ZNF385B: variants seen among roughly 807,000 people sequenced by gnomAD.
ZNF385B encodes the protein zinc finger protein 533.
ZNF385B carries 23 observed loss-of-function variants against 39.2 expected under a neutral mutation model. That is an observed-to-expected ratio of 0.59 (90% CI 0.42 to 0.83). The LOEUF is 0.83. ZNF385B is among the 40% of genes least tolerant of loss of function. ZNF385B has a pLI of 0.00. For synonymous variants in ZNF385B, 205 were observed against 222.6 expected, an observed-to-expected ratio of 0.92 and a Z score of 0.70; for missense variants, 552 against 598.9, an observed-to-expected ratio of 0.92 and a Z score of 0.82.
At chr2:179,585,063 G>A (rs2106049165) in intron 3 of ZNF385B, among the ~76,000 whole-genome samples, 1 of 152,310 alleles carries the variant, frequency 6.6e-6, no homozygotes, top group African/African-American at 2.4e-5. Context: ...ACCTTTGCCA[G>A]AAGTACCTTA....
chr2:179,584,988 A>C (rs917002550), intron 3 of ZNF385B, among the ~76,000 whole-genome samples: 2 of 152,164 alleles, frequency 1.3e-5, no homozygotes. Flanking sequence ...AACATAGCAT[A>C]AAGGTCAAGT....
At chr2:179,538,899 T>C (rs964899779) in intron 4 of ZNF385B, among the ~76,000 whole-genome samples, 9 of 152,206 alleles carry the variant, frequency 5.9e-5, no homozygotes, top group Admixed American at 2.0e-4. Context: ...CACCTGCCAA[T>C]TGGCAGAGAA....
rs775714592 is a variant in ZNF385B, at chr2:179,444,931, A to G, written c.1187T>C (p.Leu396Pro). 4 of 1,614,204 alleles carry G rather than the reference A, an allele frequency of 2.5e-6. No homozygotes were observed. The South Asian group carries it at 4.4e-5, about 18-fold the overall frequency. The stretch of plus-strand genomic sequence containing the variant: ...GTTGTAAGGGCTGTATTTTGGCTTC[A>G]GTGGTTTCCCTGCAACTCGATCTTT... ...RHKDRVAGKPLKPKYSPYNKL... is the reference protein window; with the variant it reads ...RHKDRVAGKPPKPKYSPYNKL... Residue 396 changes from leucine to proline, a missense_variant, in exon 9 of 10, where the codon CTG becomes CCG. Coordinates refer to ENST00000410066, the MANE Select transcript of ZNF385B (RefSeq NM_152520.6).
chr2:179,444,651 G>A (rs150493225), intron 9 of ZNF385B, among the ~76,000 whole-genome samples: 24 of 152,228 alleles, frequency 1.6e-4, no homozygotes, highest in African/African-American at 4.8e-4. Context: ...AAAACAACTT[G>A]GTAAAGAGTA....
At chr2:179,774,089 G>A (rs570165135) in intron 1 of ZNF385B, among the ~76,000 whole-genome samples, 38 of 151,546 alleles carry the variant, frequency 2.5e-4, no homozygotes, top group African/African-American at 8.9e-4. Context: ...GTGCGGGGGT[G>A]TATAGGTGTG....
intron 3 of ZNF385B, among the ~76,000 whole-genome samples, chr2:179,710,282 C>T (rs1236640616): frequency 6.6e-6 from 1 of 152,042 alleles, no homozygotes; most frequent in Non-Finnish European, 1.5e-5. Context: ...ATACCTTTGC[C>T]CCAACCTGGG....
rs1380104016 is a variant in ZNF385B at position 179,861,303 on chromosome 2, C to G, written c.-357G>C. ...AGGTGGCGCGGGCGACAGCTCGGCC[C>G]GGCGCGGCCCCTGAACTGTCCAACT... is the stretch of plus-strand genomic sequence containing the variant. On this transcript the variant is annotated 5_prime_UTR_variant, in exon 1 of 10. Transcript: ENST00000410066. 1.3e-5 allele frequency: 2 copies of G among 156,274 alleles called. No homozygotes were observed. Among genetic ancestry groups the G allele is most frequent in the Non-Finnish European group, 2.8e-5 (2 of 71,394 alleles). The allele number at this position is 156,274 out of a possible 1,614,324, so 9.7% of individuals were successfully genotyped here.
intron 1 of ZNF385B, among the ~76,000 whole-genome samples, chr2:179,837,104 A>G (rs1708296014): frequency 6.6e-6 from 1 of 152,210 alleles, no homozygotes; most frequent in Non-Finnish European, 1.5e-5. Context: ...TATAATTTTT[A>G]ATTCCTAGGC....
intron 1 of ZNF385B, among the ~76,000 whole-genome samples, chr2:179,821,480 C>A (rs890077945): frequency 1.3e-5 from 2 of 152,098 alleles, no homozygotes; most frequent in East Asian, 1.9e-4. Context: ...ACATTTTATA[C>A]CACACCCCTT....
At chr2:179,705,554 T>C (rs1484496509) in intron 3 of ZNF385B, among the ~76,000 whole-genome samples, 1 of 152,212 alleles carries the variant, frequency 6.6e-6, no homozygotes, top group African/African-American at 2.4e-5. Context: ...CACCTGTCTA[T>C]TCTCTAGATC....
intron 2 of ZNF385B, 104 bp from the exon 3 acceptor site, chr2:179,769,906 C>T (rs1302347035): frequency 1.8e-6 from 2 of 1,125,426 alleles, no homozygotes; most frequent in African/African-American, 1.6e-5. Context: ...AAAAGTTGCC[C>T]AGCTACCCAG....
At chr2:179,811,186 G>T (rs929223882) in intron 1 of ZNF385B, among the ~76,000 whole-genome samples, 1 of 152,048 alleles carries the variant, frequency 6.6e-6, no homozygotes, top group Non-Finnish European at 1.5e-5. Context: ...AATATTCCAT[G>T]ATCATGGGTT....
chr2:179,781,919 C>T (rs1269239833), intron 1 of ZNF385B, among the ~76,000 whole-genome samples: 2 of 152,136 alleles, frequency 1.3e-5, no homozygotes, highest in Non-Finnish European at 2.9e-5. Flanking sequence ...AGAGCTGGTA[C>T]AATTCCTATA....
chr2:179,646,774 A>C (rs1264019829), intron 3 of ZNF385B, among the ~76,000 whole-genome samples: 1 of 152,238 alleles, frequency 6.6e-6, no homozygotes, highest in Non-Finnish European at 1.5e-5. Flanking sequence ...AACAGATTAC[A>C]ATCAGGTCAA....
intron 4 of ZNF385B, among the ~76,000 whole-genome samples, chr2:179,523,750 G>A (rs1002909657): frequency 1.3e-5 from 2 of 152,140 alleles, no homozygotes; most frequent in South Asian, 2.1e-4. Context: ...CCCCCATTAC[G>A]AAACAAAAAG....
intron 1 of ZNF385B, among the ~76,000 whole-genome samples, chr2:179,771,098 C>A (rs2106506814): frequency 6.6e-6 from 1 of 152,034 alleles, no homozygotes; most frequent in African/African-American, 2.4e-5. Context: ...CAGTGCTGTG[C>A]CATAAGAGAT....
chr2:179,534,866 T>C (rs1237997607), intron 4 of ZNF385B: 1 of 152,164 alleles, frequency 6.6e-6, no homozygotes, highest in African/African-American at 2.4e-5. Context: ...GAAGGTAGGA[T>C]ATAGTTGATG....
intron 3 of ZNF385B, among the ~76,000 whole-genome samples, chr2:179,723,333 A>C (rs190942383): frequency 1.8e-4 from 28 of 152,356 alleles, no homozygotes; most frequent in Admixed American, 1.6e-3. Flanking sequence ...AGAAAGCTGT[A>C]CATATGTATA....
chr2:179,533,992 C>T lies in ZNF385B; in HGVS notation c.441+10835G>A, dbSNP rs570616948. On this transcript the variant is annotated intron_variant, in intron 4 of 9. Transcript: ENST00000410066. ...CCATTCAAACTGGTTGTGCTTATTC[C>T]CAACCTCCACTTAATATATTCTCTT... Among the ~76,000 whole-genome samples the T allele has an allele frequency of 1.5e-4, 23 of 152,206 alleles. No individual in the cohort carries two copies. In the South Asian group the frequency reaches 3.9e-3, roughly 26 times the overall value.
Sources: allele counts gnomAD v4.1 joint callset (sites outside exome capture counted in the v4.1 genomes callset), GRCh38; gene constraint gnomAD v4.1.1; transcripts MANE v1.5; gene names NCBI Gene and HGNC (gene_info 2026-07-23, HGNC 2026-07-21).